FGFR2: variants seen among roughly 807,000 people sequenced by gnomAD.
FGFR2 encodes BEK fibroblast growth factor receptor.
Under a neutral mutation model 95.9 loss-of-function variants are expected in FGFR2, and 19 were observed. That is an observed-to-expected ratio of 0.20 (90% confidence interval 0.14 to 0.29). The LOEUF (loss-of-function observed/expected upper bound fraction) is 0.29, where lower values mean the gene tolerates loss of function less well. Ranked by LOEUF, FGFR2 falls within the 10% of genes least tolerant of loss-of-function variation. The probability of loss-of-function intolerance (pLI) is 1.00; values close to 1 mark genes in which losing one functional copy is unlikely to be tolerated. For missense variants in FGFR2, 707 were observed against 1,056.9 expected (o/e 0.67, Z 4.59); for synonymous variants, 392 against 393.3 (o/e 1.00, Z 0.04).
At chr10:121,492,701 G>A (rs990762126) in intron 13 of FGFR2, among the ~76,000 whole-genome samples, 3 of 152,144 alleles carry the variant, frequency 2.0e-5, no homozygotes, top group Non-Finnish European at 4.4e-5. Context: ...CTCGCAAGGG[G>A]ACCATGCTTA....
At chr10:121,585,099 T>G (rs1385642684) in intron 2 of FGFR2, among the ~76,000 whole-genome samples, 1 of 152,218 alleles carries the variant, frequency 6.6e-6, no homozygotes, top group African/African-American at 2.4e-5. Flanking sequence ...ACATTGTTCC[T>G]CATGAAGTAT....
At chr10:121,503,318 C>A (rs898462888) in intron 10 of FGFR2, among the ~76,000 whole-genome samples, 8 of 152,332 alleles carry the variant, frequency 5.3e-5, no homozygotes, top group East Asian at 1.9e-4. Context: ...ATATTTGAAG[C>A]TTTTCAGCCC....
At chr10:121,566,065 TG>T (rs1857627912) in intron 2 of FGFR2, among the ~76,000 whole-genome samples, 1 of 152,226 alleles carries the variant, frequency 6.6e-6, no homozygotes, top group African/African-American at 2.4e-5. Flanking sequence ...ATGTTTTATT[TG>T]TAAGAATGCC....
chr10:121,537,226 T>A (rs41295519), intron 6 of FGFR2, among the ~76,000 whole-genome samples: 2 of 152,240 alleles, frequency 1.3e-5, no homozygotes, highest in African/African-American at 4.8e-5. Context: ...AAATTTCACA[T>A]GAAGGCTTCT....
intron 5 of FGFR2, among the ~76,000 whole-genome samples, chr10:121,539,450 T>G (rs184297969): frequency 1.1e-3 from 175 of 152,348 alleles, no homozygotes; most frequent in Non-Finnish European, 2.1e-3. Flanking sequence ...TCAGCTGTTG[T>G]GACTCCTACC....
chr10:121,558,370 A>C (rs1472796411), intron 4 of FGFR2, among the ~76,000 whole-genome samples: 1 of 152,254 alleles, frequency 6.6e-6, no homozygotes, highest in African/African-American at 2.4e-5. Flanking sequence ...ACCGAGGGGC[A>C]TATGTAACAG....
intron 5 of FGFR2, among the ~76,000 whole-genome samples, chr10:121,541,313 G>A (rs1853706443): frequency 6.6e-6 from 1 of 152,172 alleles, no homozygotes; most frequent in Admixed American, 6.5e-5. Context: ...CCAAATGGAT[G>A]CTCTTAAATC....
Position 121,479,518 on chromosome 10 carries a change from A to G in FGFR2, c.*339T>C. On this transcript the variant is annotated 3_prime_UTR_variant, in exon 18 of 18. Transcript: ENST00000358487. ...TTGTGCTCTGTAAGTGTGTGCTGACATAAATCTTCTCCAATTATTACAAAA... is the reference window on the plus strand; with the variant it reads ...TTGTGCTCTGTAAGTGTGTGCTGACGTAAATCTTCTCCAATTATTACAAAA... 1.4e-6 allele frequency: 2 copies of G among 1,390,110 alleles called. No individual in the cohort carries two copies. Among genetic ancestry groups the G allele is most frequent in the South Asian group, 2.7e-5 (2 of 75,382 alleles). The allele number at this position is 1,390,110 out of a possible 1,614,324, so 86.1% of individuals were successfully genotyped here.
chr10:121,565,388 A>T (rs1857525404), intron 3 of FGFR2, 50 bp downstream of exon 3: 1 of 1,610,844 alleles, frequency 6.2e-7, no homozygotes, highest in Admixed American at 1.7e-5. Context: ...GGCCAAAAAA[A>T]TGTAATGGCT....
intron 9 of FGFR2, among the ~76,000 whole-genome samples, chr10:121,513,523 T>C (rs1013786881): frequency 1.3e-5 from 2 of 152,206 alleles, no homozygotes; most frequent in Non-Finnish European, 2.9e-5. Context: ...GGCCTAGCTA[T>C]GCCAAATTAC....
At chr10:121,549,829 A>C (rs543281335) in intron 5 of FGFR2, among the ~76,000 whole-genome samples, 1 of 152,086 alleles carries the variant, frequency 6.6e-6, no homozygotes, top group East Asian at 1.9e-4. Flanking sequence ...CTCAGCCTCA[A>C]CCCTTCCTTG....
rs1863103123 is a variant in FGFR2 at position 121,594,163 on chromosome 10, TA to T, written c.-150-197del. On this transcript the variant is annotated intron_variant, in intron 1 of 17. Coordinates refer to ENST00000358487, the MANE Select transcript of FGFR2 (RefSeq NM_000141.5). ...ACCGGTCCACAGAAATGTGTGAGGC[TA>T]ATCTTTTTAAAAGCATACTTTTAAG... The T allele has an allele frequency of 7.5e-5, 35 of 466,028 alleles. 1 individual carries two copies. The highest frequency in any genetic ancestry group is 7.2e-4 in the South Asian group (32 of 44,674). 28.9% of individuals were successfully genotyped at this position (466,028 alleles called of 1,614,324 possible).
rs1194441484 is a variant in FGFR2 at position 121,518,558 on chromosome 10, T to C, written c.940-1095A>G. 3 of 1,090,914 alleles carry C rather than the reference T, an allele frequency of 2.7e-6. No homozygotes were observed. The highest frequency in any genetic ancestry group is 4.0e-6 in the Non-Finnish European group (3 of 757,302). 67.6% of individuals were successfully genotyped at this position (1,090,914 alleles called of 1,614,324 possible). A position where few individuals can be genotyped will look rare whatever the true frequency, so the allele number is the denominator to read the frequency against. On this transcript the variant is annotated intron_variant, in intron 7 of 17. Coordinates refer to ENST00000358487, the MANE Select transcript of FGFR2 (RefSeq NM_000141.5). The surrounding 1 kb of genome is among the most constrained non-coding windows in gnomAD (Gnocchi z 4.0). ...CTGCATCACCGAAGAAAGATTATTA[T>C]AAATATACCAAGGCCACAAGAGTTA...
chr10:121,486,686 C>T (rs1434577094), intron 15 of FGFR2, among the ~76,000 whole-genome samples: 2 of 152,222 alleles, frequency 1.3e-5, no homozygotes, highest in African/African-American at 2.4e-5. Context: ...GTGATCCACC[C>T]GCCTTGCCCT....
intron 2 of FGFR2, among the ~76,000 whole-genome samples, chr10:121,580,687 ACTCTCC>A (rs1181111443): frequency 3.3e-5 from 5 of 150,804 alleles, no homozygotes. Context: ...GGAAAGAAAA[ACTCTCC>A]CTCAGGGGAT....
chr10:121,557,816 G>A (rs765137448), intron 4 of FGFR2, among the ~76,000 whole-genome samples: 6 of 151,976 alleles, frequency 3.9e-5, no homozygotes, highest in Admixed American at 6.6e-5. Flanking sequence ...AACTGTTATC[G>A]GCAGGTTAAT....
chr10:121,515,413 A>C (rs1849581513), intron 8 of FGFR2, 94 bp from the exon 9 acceptor site: 1 of 1,277,172 alleles, frequency 7.8e-7, no homozygotes, highest in South Asian at 1.2e-5. Flanking sequence ...AGGAACCAAA[A>C]GGCGACGACC....
chr10:121,517,394 C>T lies in FGFR2; in HGVS notation c.1009G>A (p.Ala337Thr), dbSNP rs387906676. ...CCCGCCAAGCACGTATATTCCCCAGCGTCCTCAAAAGTTACATTCCGAATA... is the reference window on the plus strand; with the variant it reads ...CCCGCCAAGCACGTATATTCCCCAGTGTCCTCAAAAGTTACATTCCGAATA... ...LYIRNVTFED[A>T]GEYTCLAGNS... Residue 337 changes from alanine (A) to threonine (T), a missense_variant, in exon 8 of 18, where the codon GCT becomes ACT. Around this residue, in one of 7 missense-constraint regions of FGFR2, gnomAD observed 139 missense variants for 278.1 expected, o/e 0.50. Transcript: ENST00000358487. The surrounding 1 kb of genome is among the most constrained non-coding windows in gnomAD (Gnocchi z 4.7). 3 of 1,614,164 alleles carry T rather than the reference C, an allele frequency of 1.9e-6. No homozygotes were observed. The highest frequency in any genetic ancestry group is 1.7e-6 in the Non-Finnish European group (2 of 1,180,000).
intron 16 of FGFR2, among the ~76,000 whole-genome samples, chr10:121,484,134 C>T (rs142069282): frequency 6.6e-5 from 10 of 151,954 alleles, no homozygotes; most frequent in African/African-American, 1.9e-4. Flanking sequence ...AAGGAAAATG[C>T]GTATTTCCAT....
Sources: allele counts gnomAD v4.1 joint callset (sites outside exome capture counted in the v4.1 genomes callset), GRCh38; gene constraint gnomAD v4.1.1; regional missense constraint gnomAD v4.1.1; non-coding constraint Gnocchi (gnomAD v3.1); transcripts MANE v1.5; gene names NCBI Gene and HGNC (gene_info 2026-07-23, HGNC 2026-07-21).